Variants in OR3A2 observed in about 807,000 individuals in gnomAD.
OR3A2 encodes the protein olfactory receptor 3A2.
For missense variants in OR3A2, 318 were observed against 392.8 expected, an observed-to-expected ratio of 0.81 and a Z score of 1.61; for synonymous variants, 126 against 159.3, an observed-to-expected ratio of 0.79 and a Z score of 1.57.
chr17:3,323,101 A>ATTGATCCC (rs953122829), intron 3 of OR3A2, among the ~76,000 whole-genome samples: 1 of 152,148 alleles, frequency 6.6e-6, no homozygotes, highest in Admixed American at 6.5e-5. Flanking sequence ...TTCTTGTTGA[A>ATTGATCCC]TTGATCCCTT....
rs1377433647 is a variant in OR3A2 at position 3,328,768 on chromosome 17, GGGTTGTTGAATTTTGT to G, written c.-85+7249_-85+7264del. On this transcript the variant is annotated intron_variant, in intron 3 of 4. Transcript: ENST00000573491. ...ATTTATTGAGAGTTTTTAGCATGAA[GGGTTGTTGAATTTTGT>G]CAAAGGCCTTTTCTGCATCTATTGA... Among the ~76,000 whole-genome samples, 21 of 143,112 alleles carry G rather than the reference GGGTTGTTGAATTTTGT, an allele frequency of 1.5e-4. 1 individual carries two copies. Among genetic ancestry groups the G allele is most frequent in the African/African-American group, 5.2e-4 (19 of 36,490 alleles). 93.9% of individuals were successfully genotyped at this position (143,112 alleles called of 152,430 possible). A position where few individuals can be genotyped will look rare whatever the true frequency, so the allele number is the denominator to read the frequency against.
At chr17:3,349,188 C>T (rs1270749624) in intron 2 of OR3A2, among the ~76,000 whole-genome samples, 2 of 152,014 alleles carry the variant, frequency 1.3e-5, no homozygotes, top group Non-Finnish European at 2.9e-5. Context: ...ACAATATTAA[C>T]TTTAAATGTA....
chr17:3,343,199 C>A (rs1258547230), intron 2 of OR3A2, among the ~76,000 whole-genome samples: 1 of 152,168 alleles, frequency 6.6e-6, no homozygotes, highest in African/African-American at 2.4e-5. Context: ...AATCCCCTGA[C>A]CCCTTGCACT....
chr17:3,371,317 C>A (rs1181011037), intron 2 of OR3A2, among the ~76,000 whole-genome samples: 7 of 147,842 alleles, frequency 4.7e-5, no homozygotes, highest in South Asian at 2.1e-4. Context: ...CCAGTAGGGG[C>A]GGCCGGGCAG....
chr17:3,333,562 G>A (rs2049256095), intron 3 of OR3A2, among the ~76,000 whole-genome samples: 1 of 152,154 alleles, frequency 6.6e-6, no homozygotes, highest in South Asian at 2.1e-4. Context: ...CTGCCAATAT[G>A]TGATGTCACC....
At chr17:3,303,148 C>T (rs2048977662) in intron 3 of OR3A2, among the ~76,000 whole-genome samples, 2 of 152,098 alleles carry the variant, frequency 1.3e-5, no homozygotes, top group African/African-American at 4.8e-5. Flanking sequence ...TATTATATGT[C>T]TTTCTCACGC....
At chr17:3,316,169 G>T in intron 3 of OR3A2, among the ~76,000 whole-genome samples, 1 of 152,238 alleles carries the variant, frequency 6.6e-6, no homozygotes, top group East Asian at 1.9e-4. Context: ...ACTAATCTTG[G>T]TTGGGATGAA....
intron 2 of OR3A2, among the ~76,000 whole-genome samples, chr17:3,359,683 C>T (rs2049492938): frequency 6.6e-6 from 1 of 151,578 alleles, no homozygotes; most frequent in Admixed American, 6.6e-5. Flanking sequence ...GTAACCTTCC[C>T]TTTCTCTCTA....
At chr17:3,299,432 T>A (rs1279518368) in intron 3 of OR3A2, among the ~76,000 whole-genome samples, 1 of 152,142 alleles carries the variant, frequency 6.6e-6, no homozygotes, top group African/African-American at 2.4e-5. Flanking sequence ...CATCATGACT[T>A]TGGAATTGGT....
chr17:3,281,261 G>C (rs2048775033), intron 1 of OR3A2, among the ~76,000 whole-genome samples: 1 of 146,970 alleles, frequency 6.8e-6, no homozygotes, highest in African/African-American at 2.5e-5. Flanking sequence ...TTGAGATGGA[G>C]TCTCCCTCTG....
chr17:3,299,873 A>G (rs2048948712), intron 3 of OR3A2, among the ~76,000 whole-genome samples: 1 of 152,190 alleles, frequency 6.6e-6, no homozygotes, highest in African/African-American at 2.4e-5. Context: ...ATAATAGTTA[A>G]AGCACTTGGT....
intron 3 of OR3A2, among the ~76,000 whole-genome samples, chr17:3,308,855 G>A (rs1346343305): frequency 1.3e-5 from 2 of 152,098 alleles, no homozygotes; most frequent in African/African-American, 2.4e-5. Context: ...GCCTCCATGT[G>A]AGAGACTTAA....
At chr17:3,276,539 A>C (rs1405030714), downstream of OR3A2, among the ~76,000 whole-genome samples, 2 of 152,220 alleles carry the variant, frequency 1.3e-5, no homozygotes, top group Non-Finnish European at 2.9e-5. Context: ...ATAATTTTTA[A>C]AATAAATATA....
At chr17:3,302,897 A>T (rs2048976011) in intron 3 of OR3A2, among the ~76,000 whole-genome samples, 1 of 152,232 alleles carries the variant, frequency 6.6e-6, no homozygotes, top group Non-Finnish European at 1.5e-5. Flanking sequence ...CACCCACAGT[A>T]CAACTTTCTA....
intron 2 of OR3A2, among the ~76,000 whole-genome samples, chr17:3,354,843 T>C (rs553014909): frequency 3.3e-5 from 5 of 151,338 alleles, no homozygotes; most frequent in Non-Finnish European, 5.9e-5. Context: ...TTAAGATGCA[T>C]CATTAGGCTA....
intron 3 of OR3A2, among the ~76,000 whole-genome samples, chr17:3,297,735 G>GAAAT (rs1405486718): frequency 6.8e-6 from 1 of 147,692 alleles, no homozygotes; most frequent in African/African-American, 2.7e-5. Context: ...CAATATTTCT[G>GAAAT]AAATAAATAA....
intron 2 of OR3A2, among the ~76,000 whole-genome samples, chr17:3,339,610 C>A (rs370373458): frequency 6.6e-6 from 1 of 152,052 alleles, no homozygotes; most frequent in African/African-American, 2.4e-5. Flanking sequence ...AGCCTTGCAT[C>A]CCAGGGATGA....
At chr17:3,335,514 TATTAA>T (rs1023378439) in intron 3 of OR3A2, among the ~76,000 whole-genome samples, 4 of 152,178 alleles carry the variant, frequency 2.6e-5, no homozygotes, top group African/African-American at 9.7e-5. Context: ...TTTATGCATA[TATTAA>T]ATTATTTTAA....
intron 2 of OR3A2, among the ~76,000 whole-genome samples, chr17:3,376,152 G>C (rs1601909): frequency 6.6e-6 from 1 of 152,148 alleles, no homozygotes; most frequent in Non-Finnish European, 1.5e-5. Flanking sequence ...ACAGTGGAAT[G>C]AGATATTGTT....
Sources: gnomAD v4.1 joint callset for allele counts (sites outside exome capture counted in the v4.1 genomes callset) on GRCh38, gnomAD v4.1.1 for gene constraint, MANE v1.5 for transcripts, NCBI Gene and HGNC (gene_info 2026-07-23, HGNC 2026-07-21) for gene names.